Variants in SIPA1L1 observed in about 807,000 individuals in gnomAD.
SIPA1L1 encodes the protein signal-induced proliferation-associated 1-like protein 1.
Under a neutral mutation model 162.7 loss-of-function variants are expected in SIPA1L1, and 26 were observed. The ratio of observed to expected loss-of-function variants is 0.16; its 90% CI spans 0.12 to 0.22. SIPA1L1 has a LOEUF of 0.22. Ranked by LOEUF, SIPA1L1 falls within the 10% of genes least tolerant of loss-of-function variation. SIPA1L1 has a pLI of 1.00. For synonymous variants in SIPA1L1, 829 were observed against 837.4 expected (o/e 0.99, Z 0.17); for missense variants, 1,874 against 2,241.0 (o/e 0.84, Z 3.31).
intron 5 of SIPA1L1, among the ~76,000 whole-genome samples, chr14:71,590,004 T>C (rs146886448): frequency 1.3e-4 from 18 of 140,830 alleles, no homozygotes; most frequent in African/African-American, 4.7e-4. Context: ...TTCTAATCTT[T>C]TCTTTGAGTG....
chr14:71,574,098 T>G (rs542186812), intron 4 of SIPA1L1: 125 of 191,964 alleles, frequency 6.5e-4, no homozygotes, highest in African/African-American at 2.9e-3. Flanking sequence ...ACAAAAATCT[T>G]GATTTTTAAC....
At chr14:71,552,495 C>G (rs969085439) in intron 4 of SIPA1L1, among the ~76,000 whole-genome samples, 9 of 151,622 alleles carry the variant, frequency 5.9e-5, no homozygotes, top group African/African-American at 2.2e-4. Context: ...AGGTTCACGA[C>G]ATTCTCCTGC....
chr14:71,499,323 A>G (rs536258998), intron 2 of SIPA1L1, among the ~76,000 whole-genome samples: 88 of 152,344 alleles, frequency 5.8e-4, no homozygotes, highest in Admixed American at 9.2e-4. Context: ...AGCCTGGATG[A>G]CACAGTGAGA....
intron 9 of SIPA1L1, among the ~76,000 whole-genome samples, chr14:71,660,267 A>G (rs919624808): frequency 5.9e-5 from 9 of 152,152 alleles, no homozygotes; most frequent in South Asian, 2.1e-4. Flanking sequence ...CTTTATTTTC[A>G]TAACGTCTGT....
chr14:71,497,058 A>G (rs1413190558), intron 2 of SIPA1L1, among the ~76,000 whole-genome samples: 1 of 151,986 alleles, frequency 6.6e-6, no homozygotes, highest in Admixed American at 6.6e-5. Flanking sequence ...AATCCCAGCT[A>G]CTCAGGAGGC....
chr14:71,649,080 C>T (rs1052991039), intron 7 of SIPA1L1, among the ~76,000 whole-genome samples: 16 of 152,150 alleles, frequency 1.1e-4, no homozygotes, highest in African/African-American at 3.9e-4. Context: ...CTCTTCTCTT[C>T]CCCCTTTTAT....
At chr14:71,452,166 A>T (rs891473456) in intron 2 of SIPA1L1, among the ~76,000 whole-genome samples, 2 of 148,936 alleles carry the variant, frequency 1.3e-5, no homozygotes, top group Non-Finnish European at 3.0e-5. Context: ...ATTACAGGAA[A>T]CCCCCCCCTC....
At chr14:71,708,015 G>GTTT (rs34838057) in intron 16 of SIPA1L1, among the ~76,000 whole-genome samples, 57 of 100,214 alleles carry the variant, frequency 5.7e-4, no homozygotes, top group Non-Finnish European at 8.0e-4. Flanking sequence ...GTTTTTTGGT[G>GTTT]TTTTTTTTTT....
intron 10 of SIPA1L1, among the ~76,000 whole-genome samples, chr14:71,667,515 G>A (rs1419498237): frequency 6.6e-6 from 1 of 152,138 alleles, no homozygotes; most frequent in African/African-American, 2.4e-5. Flanking sequence ...AATACTATTA[G>A]AAATCGAGAG....
chr14:71,355,791 A>G (rs900320205), intron 2 of SIPA1L1, among the ~76,000 whole-genome samples: 6 of 152,212 alleles, frequency 3.9e-5, no homozygotes, highest in African/African-American at 1.4e-4. Flanking sequence ...CTTGGCTTGT[A>G]TGGTGGAATG....
At chr14:71,483,857 C>G (rs1189393232) in intron 2 of SIPA1L1, among the ~76,000 whole-genome samples, 1 of 152,188 alleles carries the variant, frequency 6.6e-6, no homozygotes, top group Admixed American at 6.5e-5. Flanking sequence ...CTAGGCCCTT[C>G]TGATGCACTA....
intron 2 of SIPA1L1, among the ~76,000 whole-genome samples, chr14:71,381,287 C>T (rs1175559165): frequency 3.3e-5 from 5 of 152,004 alleles, no homozygotes; most frequent in African/African-American, 9.7e-5. Flanking sequence ...CTCCTGACCT[C>T]GTGATCCGCC....
chr14:71,621,716 C>T (rs972835613), intron 6 of SIPA1L1, among the ~76,000 whole-genome samples: 1 of 152,184 alleles, frequency 6.6e-6, no homozygotes, highest in African/African-American at 2.4e-5. Flanking sequence ...GGGCTTCTGT[C>T]CGAGTTGTTC....
At chr14:71,390,406 A>C (rs535440883) in intron 2 of SIPA1L1, among the ~76,000 whole-genome samples, 2 of 152,176 alleles carry the variant, frequency 1.3e-5, no homozygotes, top group African/African-American at 2.4e-5. Flanking sequence ...TGAACTTAAT[A>C]TTATGAGCAT....
rs564231819 is a variant in SIPA1L1 at position 71,504,491 on chromosome 14, C to G, written c.-464-8252C>G. 7.8e-4 allele frequency among the ~76,000 whole-genome samples: 118 copies of G among 151,958 alleles called. 1 individual carries two copies. Among genetic ancestry groups the G allele is most frequent in the African/African-American group, 2.7e-3 (111 of 41,432 alleles). Reference sequence around the variant, plus strand: ...TTTCTGTTGTAGTTATATAGTAACACGTGAGGGAAGTTGGTAAGGACCAAA... The same window carrying G: ...TTTCTGTTGTAGTTATATAGTAACAGGTGAGGGAAGTTGGTAAGGACCAAA... On this transcript the variant is annotated intron_variant, in intron 2 of 23. Transcript: ENST00000381232.
At chr14:71,422,764 T>G (rs1197467247) in intron 2 of SIPA1L1, among the ~76,000 whole-genome samples, 1 of 152,274 alleles carries the variant, frequency 6.6e-6, no homozygotes, top group East Asian at 1.9e-4. Context: ...CTTTTAGCTA[T>G]TGTGAAGAAT....
chr14:71,695,536 G>A (rs1267694827), intron 13 of SIPA1L1, among the ~76,000 whole-genome samples: 1 of 152,190 alleles, frequency 6.6e-6, no homozygotes, highest in East Asian at 1.9e-4. Flanking sequence ...AAATGTAAAG[G>A]TTACATCTTG....
chr14:71,730,396 T>C, intron 20 of SIPA1L1, 95 bp downstream of exon 20: 1 of 1,408,046 alleles, frequency 7.1e-7, no homozygotes, highest in Non-Finnish European at 9.8e-7. Context: ...AGAGGGGTCC[T>C]GTATCCATGC....
At chr14:71,526,335 C>T (rs751884794) in intron 3 of SIPA1L1, among the ~76,000 whole-genome samples, 1 of 152,142 alleles carries the variant, frequency 6.6e-6, no homozygotes, top group Non-Finnish European at 1.5e-5. Flanking sequence ...CCCCCTTTTC[C>T]TTCTCCCAGT....
Sources: allele counts gnomAD v4.1 joint callset (sites outside exome capture counted in the v4.1 genomes callset), GRCh38; gene constraint gnomAD v4.1.1; transcripts MANE v1.5; gene names NCBI Gene and HGNC (gene_info 2026-07-23, HGNC 2026-07-21).